NRG3: variants seen among roughly 807,000 people sequenced by gnomAD.
NRG3 encodes the protein pro-neuregulin-3, membrane-bound isoform.
In NRG3, 31 loss-of-function variants were observed where a neutral mutation model predicts 66.9. The observed-to-expected ratio is 0.46, with a 90% confidence interval of 0.35 to 0.63. The LOEUF is 0.63. Among genes scored for constraint, NRG3 ranks in the 20% least tolerant of loss-of-function variants. NRG3 has a pLI of 0.00. For missense variants in NRG3, 910 were observed against 878.9 expected (o/e 1.04, Z -0.45); for synonymous variants, 393 against 359.4 (o/e 1.09, Z -1.06).
chr10:81,942,291 G>A (rs1015409130), intron 1 of NRG3, among the ~76,000 whole-genome samples: 3 of 151,938 alleles, frequency 2.0e-5, no homozygotes, highest in African/African-American at 7.2e-5. Context: ...AAAAAGAGGT[G>A]GAATGCAAGT....
chr10:82,798,603 T>C (rs1023859405), intron 3 of NRG3, among the ~76,000 whole-genome samples: 1 of 152,204 alleles, frequency 6.6e-6, no homozygotes, highest in Non-Finnish European at 1.5e-5. Flanking sequence ...AGCGTGAGTA[T>C]GAAGCCACTT....
chr10:82,902,200 A>T (rs201414419), intron 4 of NRG3, among the ~76,000 whole-genome samples: 1 of 152,138 alleles, frequency 6.6e-6, no homozygotes, highest in Admixed American at 6.5e-5. Context: ...GGGTTTATTC[A>T]AAGTTTGTGA....
At chr10:82,543,727 T>C (rs2043703593) in intron 2 of NRG3, among the ~76,000 whole-genome samples, 1 of 152,220 alleles carries the variant, frequency 6.6e-6, no homozygotes, top group African/African-American at 2.4e-5. Flanking sequence ...AGTAAGAGGA[T>C]GAGGCTCTGA....
At chr10:82,889,044 G>A (rs1338454232) in intron 4 of NRG3, among the ~76,000 whole-genome samples, 2 of 152,108 alleles carry the variant, frequency 1.3e-5, no homozygotes, top group Non-Finnish European at 2.9e-5. Context: ...TTATAGTAAG[G>A]AATTTGGTTT....
At chr10:82,237,752 T>C (rs1006597930) in intron 1 of NRG3, among the ~76,000 whole-genome samples, 2 of 152,140 alleles carry the variant, frequency 1.3e-5, no homozygotes, top group African/African-American at 2.4e-5. Flanking sequence ...AGACTGCGAG[T>C]ATACCAATGA....
At chr10:82,514,810 A>G (rs564298539) in intron 2 of NRG3, among the ~76,000 whole-genome samples, 1 of 152,310 alleles carries the variant, frequency 6.6e-6, no homozygotes, top group South Asian at 2.1e-4. Flanking sequence ...TTTGGGTAGT[A>G]TGGCCATTTT....
At chr10:82,958,817 G>A (rs1850332458) in intron 5 of NRG3, 132 bp from the exon 6 acceptor site, 3 of 1,041,956 alleles carry the variant, frequency 2.9e-6, no homozygotes, top group Admixed American at 2.9e-5. Flanking sequence ...TGAGAGAAGG[G>A]TTCTCTTCGT....
At chr10:82,078,031 G>A (rs979855334) in intron 1 of NRG3, among the ~76,000 whole-genome samples, 5 of 152,036 alleles carry the variant, frequency 3.3e-5, no homozygotes, top group Admixed American at 3.3e-4. Context: ...AGGCATGGTG[G>A]CCAATATGCT....
intron 1 of NRG3, among the ~76,000 whole-genome samples, chr10:82,298,583 T>G (rs1229834176): frequency 6.6e-6 from 1 of 152,056 alleles, no homozygotes; most frequent in Non-Finnish European, 1.5e-5. Context: ...ATATAAAGAG[T>G]AAGTCTGAAG....
intron 3 of NRG3, among the ~76,000 whole-genome samples, chr10:82,778,662 A>G (rs1431963851): frequency 6.6e-6 from 1 of 152,152 alleles, no homozygotes; most frequent in Non-Finnish European, 1.5e-5. Flanking sequence ...TGATTTAGGT[A>G]CTGAGGGGCT....
intron 1 of NRG3, chr10:82,232,759 C>T (rs755706585): frequency 2.9e-5 from 21 of 717,288 alleles, no homozygotes; most frequent in African/African-American, 1.9e-4. Context: ...AGACAGGAGG[C>T]ATGCCATACA....
rs1302441969 is a variant in NRG3 at position 82,132,458 on chromosome 10, T to TATATATGA, written c.824-226281_824-226280insATATATGA. 1.9e-4 allele frequency among the ~76,000 whole-genome samples: 16 copies of TATATATGA among 84,312 alleles called. 1 individual carries two copies. Among genetic ancestry groups the TATATATGA allele is most frequent in the Middle Eastern group, 0.012 (2 of 172 alleles). 55.3% of individuals were successfully genotyped at this position (84,312 alleles called of 152,430 possible). A position where few individuals can be genotyped will look rare whatever the true frequency, so the allele number is the denominator to read the frequency against. Reference sequence around the variant, plus strand: ...TTTGCTAATATCTTTTATATATATATGATATATATGATATATATATGATAT... The same window carrying TATATATGA: ...TTTGCTAATATCTTTTATATATATATATATATGAGATATATATGATATATATATGATAT... On this transcript the variant is annotated intron_variant, in intron 1 of 8. Coordinates refer to ENST00000372141, the MANE Select transcript of NRG3 (RefSeq NM_001010848.4).
intron 1 of NRG3, among the ~76,000 whole-genome samples, chr10:81,985,956 A>T (rs2060502312): frequency 6.6e-6 from 1 of 152,254 alleles, no homozygotes; most frequent in South Asian, 2.1e-4. Context: ...GGTAAGTCAC[A>T]GTGCCAGAGA....
At chr10:82,296,656 T>G (rs1273733888) in intron 1 of NRG3, among the ~76,000 whole-genome samples, 1 of 152,188 alleles carries the variant, frequency 6.6e-6, no homozygotes, top group Non-Finnish European at 1.5e-5. Flanking sequence ...CTTCTTTGTG[T>G]TGGGAACATT....
At chr10:81,891,334 T>C (rs1003248644) in intron 1 of NRG3, among the ~76,000 whole-genome samples, 2 of 152,216 alleles carry the variant, frequency 1.3e-5, no homozygotes, top group African/African-American at 4.8e-5. Flanking sequence ...GACCATGTAC[T>C]CTCTGTAAGG....
chr10:82,532,649 A>G (rs1196778602), intron 2 of NRG3, among the ~76,000 whole-genome samples: 1 of 149,356 alleles, frequency 6.7e-6, no homozygotes, highest in Non-Finnish European at 1.5e-5. Context: ...ATATGCATAT[A>G]TGTATATATC....
intron 3 of NRG3, among the ~76,000 whole-genome samples, chr10:82,759,531 C>A (rs1436676501): frequency 6.6e-6 from 1 of 152,050 alleles, no homozygotes; most frequent in African/African-American, 2.4e-5. Flanking sequence ...CAGAAAATGT[C>A]AAATATTTTA....
intron 3 of NRG3, among the ~76,000 whole-genome samples, chr10:82,749,888 G>T (rs1406016510): frequency 6.6e-6 from 1 of 151,832 alleles, no homozygotes; most frequent in African/African-American, 2.4e-5. Context: ...CAATCAAAAG[G>T]GTCCAGCACA....
At chr10:82,329,536 C>A (rs2082042012) in intron 1 of NRG3, among the ~76,000 whole-genome samples, 1 of 150,650 alleles carries the variant, frequency 6.6e-6, no homozygotes, top group African/African-American at 2.4e-5. Flanking sequence ...AGAAGACATC[C>A]AAAACAGGGG....
Sources: allele counts gnomAD v4.1 joint callset (sites outside exome capture counted in the v4.1 genomes callset), GRCh38; gene constraint gnomAD v4.1.1; transcripts MANE v1.5; gene names NCBI Gene and HGNC (gene_info 2026-07-23, HGNC 2026-07-21).